C6: variants seen among roughly 807,000 people sequenced by gnomAD.
C6 encodes complement C6.
A neutral mutation model predicts 112.9 loss-of-function variants in C6; 101 were observed. That is an observed-to-expected ratio of 0.89 (90% confidence interval 0.76 to 1.06). C6 has a LOEUF of 1.06. Among genes scored for constraint, C6 ranks in the 50% least tolerant of loss-of-function variants. C6 has a pLI of 0.00. For missense variants in C6, 1,202 were observed against 1,104.6 expected (o/e 1.09, Z -1.25); for synonymous variants, 431 against 384.1 (o/e 1.12, Z -1.43).
intron 8 of C6, among the ~76,000 whole-genome samples, chr5:41,175,637 A>G (rs1214563052): frequency 6.6e-6 from 1 of 152,226 alleles, no homozygotes; most frequent in African/African-American, 2.4e-5. Context: ...TCTGCTCTGA[A>G]TGCATGAGGA....
rs146127832 is a variant in C6 at position 41,203,220 on chromosome 5, C to T, written c.11G>A (p.Arg4His). ...CAGCAGGATGAAGTACAAGACAGAG[C>T]GTCTGGCCATGCCTTGAGAGCCTCC... MAR[R>H]SVLYFILLNA... Residue 4 changes from arginine to histidine, a missense_variant, in exon 2 of 18, where the codon CGC becomes CAC. Physicochemically the swap from Arg to His is conservative, Grantham distance 29 (BLOSUM62 0). Transcript: ENST00000337836. The T allele has an allele frequency of 6.1e-5, 98 of 1,613,968 alleles. No homozygotes were observed. Among genetic ancestry groups the T allele is most frequent in the Non-Finnish European group, 5.2e-5 (61 of 1,179,960 alleles).
At chr5:41,231,704 G>A (rs1274942871) in intron 1 of C6, among the ~76,000 whole-genome samples, 1 of 151,900 alleles carries the variant, frequency 6.6e-6, no homozygotes, top group Non-Finnish European at 1.5e-5. Context: ...TTATTTTAAA[G>A]TAAGTGGTGT....
chr5:41,222,877 A>C (rs1739266369), intron 1 of C6, among the ~76,000 whole-genome samples: 1 of 152,196 alleles, frequency 6.6e-6, no homozygotes, highest in Non-Finnish European at 1.5e-5. Context: ...TACAACGTTC[A>C]ATAGAAATTC....
In C6 at chr5:41,225,392, T is replaced by G. The variant is rs1739424946; in HGVS notation, c.-20-22142A>C. Among the ~76,000 whole-genome samples, 6 of 152,174 alleles carry G rather than the reference T, an allele frequency of 3.9e-5. 2 individuals carry two copies. In the South Asian group the frequency reaches 1.2e-3, roughly 31 times the overall value. ...TTTATCCATATCCCTACAAAGGAAA[T>G]GAACTCATCATTTTTTACGGCTGCA... On this transcript the variant is annotated intron_variant, in intron 1 of 17. Transcript: ENST00000263413.
At chr5:41,253,574 C>T (rs1741497346) in intron 1 of C6, among the ~76,000 whole-genome samples, 1 of 152,148 alleles carries the variant, frequency 6.6e-6, no homozygotes, top group Admixed American at 6.5e-5. Flanking sequence ...GTAGGACCCA[C>T]CTAATTTGTT....
intron 6 of C6, among the ~76,000 whole-genome samples, chr5:41,181,805 A>G (rs935651294): frequency 1.3e-5 from 2 of 152,186 alleles, no homozygotes; most frequent in Non-Finnish European, 2.9e-5. Context: ...TCCCACAGGA[A>G]ATATAAGACC....
chr5:41,195,668 A>T, intron 5 of C6, 124 bp downstream of exon 5: 1 of 1,005,500 alleles, frequency 9.9e-7, no homozygotes, highest in Middle Eastern at 2.2e-4. Context: ...AGTATCAGAG[A>T]TAGGGCTGGT....
chr5:41,212,994 T>G (rs937018909), intron 1 of C6: 2 of 149,968 alleles, frequency 1.3e-5, no homozygotes, highest in African/African-American at 4.9e-5. Context: ...ACTGAATTTC[T>G]TATTTCTTAT....
At chr5:41,205,678 G>C (rs1029736193) in intron 1 of C6, among the ~76,000 whole-genome samples, 1 of 152,346 alleles carries the variant, frequency 6.6e-6, no homozygotes, top group Non-Finnish European at 1.5e-5. Flanking sequence ...GCGGAGGGGT[G>C]CCCGCCTTTG....
chr5:41,156,679 T>G lies in C6; in HGVS notation c.1969-1575A>C, dbSNP rs1267535908. On this transcript the variant is annotated intron_variant, in intron 13 of 17. Coordinates refer to ENST00000337836, the MANE Select transcript of C6 (RefSeq NM_000065.5). ...TGGTTAAACTTGTCTCCTAGAAGAT[T>G]CTTAATTTTCTGGATACAAAACTAC... Among the ~76,000 whole-genome samples, 3 of 152,196 alleles carry G rather than the reference T, an allele frequency of 2.0e-5. No homozygotes were observed. The East Asian group carries it at 5.8e-4, about 29-fold the overall frequency.
intron 1 of C6, among the ~76,000 whole-genome samples, chr5:41,245,972 C>T (rs961451813): frequency 6.6e-6 from 1 of 152,034 alleles, no homozygotes; most frequent in African/African-American, 2.4e-5. Flanking sequence ...GGAAATTATC[C>T]CTCTGAAGAA....
chr5:41,165,692 T>C, intron 9 of C6, among the ~76,000 whole-genome samples: 1 of 152,152 alleles, frequency 6.6e-6, no homozygotes, highest in East Asian at 1.9e-4. Flanking sequence ...GAATATTTAG[T>C]ATAGCCTAGG....
intron 14 of C6, among the ~76,000 whole-genome samples, chr5:41,154,282 A>G (rs115095725): frequency 0.016 from 2,479 of 152,308 alleles, 22 homozygotes; most frequent in Non-Finnish European, 0.027. Context: ...TTTTCCTTTC[A>G]AGAAACACTT....
chr5:41,200,891 G>GTTTTGTTTTTTT lies in C6; in HGVS notation c.300+666_300+667insAAAAAAACAAAA, dbSNP rs1554029750. ...TGTTTTTGTTGTTGTTGTTGTTGTT[G>GTTTTGTTTTTTT]TTTTTTTTTTTTTTTTTTTTTTTTT... On this transcript the variant is annotated intron_variant, in intron 3 of 17. Transcript: ENST00000337836. Among the ~76,000 whole-genome samples, 34 of 70,650 alleles carry GTTTTGTTTTTTT rather than the reference G, an allele frequency of 4.8e-4. 1 individual carries two copies. Among genetic ancestry groups the GTTTTGTTTTTTT allele is most frequent in the Non-Finnish European group, 6.6e-4 (27 of 40,868 alleles). The allele number at this position is 70,650 out of a possible 152,430, so 46.3% of individuals were successfully genotyped here. A position where few individuals can be genotyped will look rare whatever the true frequency, so the allele number is the denominator to read the frequency against.
At chr5:41,259,407 T>C (rs868100054) in intron 1 of C6, among the ~76,000 whole-genome samples, 37 of 152,092 alleles carry the variant, frequency 2.4e-4, no homozygotes, top group African/African-American at 8.9e-4. Context: ...TAAGCAATGA[T>C]GTCCAGGCTC....
intron 7 of C6, among the ~76,000 whole-genome samples, chr5:41,177,037 T>C (rs1456883677): frequency 6.6e-6 from 1 of 152,240 alleles, no homozygotes; most frequent in Non-Finnish European, 1.5e-5. Flanking sequence ...GCATTTCTAC[T>C]GAGTTTTTAT....
chr5:41,221,369 G>A (rs567435215), intron 1 of C6, among the ~76,000 whole-genome samples: 1 of 152,166 alleles, frequency 6.6e-6, no homozygotes, highest in Non-Finnish European at 1.5e-5. Context: ...AATATTCTCA[G>A]TTATTACAAT....
intron 15 of C6, 30 bp from the exon 16 acceptor site, chr5:41,150,055 C>G (rs187907460): frequency 7.5e-7 from 1 of 1,330,248 alleles, no homozygotes; most frequent in Non-Finnish European, 1.1e-6. Flanking sequence ...GAGAAAAGAA[C>G]AGTGCACAGC....
chr5:41,251,346 C>CATATATAT (rs140781245), intron 1 of C6, among the ~76,000 whole-genome samples: 2 of 150,306 alleles, frequency 1.3e-5, no homozygotes, highest in Middle Eastern at 3.4e-3. Flanking sequence ...ATCCCAGAAC[C>CATATATAT]ATATATATAT....
Sources: allele counts gnomAD v4.1 joint callset (sites outside exome capture counted in the v4.1 genomes callset), GRCh38; gene constraint gnomAD v4.1.1; transcripts MANE v1.5; gene names NCBI Gene and HGNC (gene_info 2026-07-23, HGNC 2026-07-21).